DEK: variants seen among roughly 807,000 people sequenced by gnomAD.
DEK encodes protein DEK.
In DEK, 28 loss-of-function variants were observed where a neutral mutation model predicts 46.8. The ratio of observed to expected loss-of-function variants is 0.60; its 90% CI spans 0.44 to 0.82. DEK has a LOEUF of 0.82. Ranked by LOEUF, DEK falls within the 40% of genes least tolerant of loss-of-function variation. The probability of loss-of-function intolerance (pLI) is 0.00; values close to 1 mark genes in which losing one functional copy is unlikely to be tolerated. For missense variants in DEK, 416 were observed against 430.6 expected (o/e 0.97, Z 0.30); for synonymous variants, 160 against 144.5 (o/e 1.11, Z -0.77).
chr6:18,238,654 G>C (rs1467101862), intron 7 of DEK, among the ~76,000 whole-genome samples: 1 of 145,808 alleles, frequency 6.9e-6, no homozygotes, highest in Non-Finnish European at 1.5e-5. Context: ...TGGAGATCAT[G>C]ACACTGCACT....
intron 7 of DEK, among the ~76,000 whole-genome samples, chr6:18,248,817 A>G (rs214525): frequency 0.68 from 103,744 of 151,940 alleles, 36,038 homozygotes; most frequent in African/African-American, 0.81. Context: ...TCACAAGGGG[A>G]GCTTGGGAAT....
At chr6:18,259,394 CAAAAAAAAAAAAAAAAAAAAAA>C (rs56704006) in intron 2 of DEK, among the ~76,000 whole-genome samples, 10 of 41,480 alleles carry the variant, frequency 2.4e-4, no homozygotes, top group East Asian at 1.0e-3. Context: ...GACTCCGTCT[CAAAAAAAAAAAAAAAAAAAAAA>C]AAAAAAAAAA....
chr6:18,239,280 A>G (rs1469094507), intron 7 of DEK, among the ~76,000 whole-genome samples: 1 of 151,158 alleles, frequency 6.6e-6, no homozygotes, highest in Admixed American at 6.6e-5. Context: ...TTTAGATTAA[A>G]GTATACACAT....
intron 2 of DEK, among the ~76,000 whole-genome samples, chr6:18,258,843 A>G (rs548288853): frequency 1.3e-5 from 2 of 152,344 alleles, no homozygotes; most frequent in South Asian, 4.1e-4. Context: ...TATATAGAGA[A>G]CAATAACAAT....
At chr6:18,236,431 T>A in intron 9 of DEK, 21 bp downstream of exon 9, 1 of 1,603,812 alleles carries the variant, frequency 6.2e-7, no homozygotes, top group Non-Finnish European at 8.5e-7. Flanking sequence ...AGCAAAATAA[T>A]CTAAACATTT....
chr6:18,238,718 T>C (rs922902626), intron 7 of DEK, among the ~76,000 whole-genome samples: 1 of 151,000 alleles, frequency 6.6e-6, no homozygotes, highest in Non-Finnish European at 1.5e-5. Flanking sequence ...TCAGAGTTCA[T>C]ACTTTGTCTC....
At position 18,264,487 on chromosome 6, in the gene DEK, G is replaced by C. The variant is rs1401276329; in HGVS notation, c.-112C>G. ...GAGAAGGCGCGCGGGCCGCTGTCTG[G>C]CGTGACGCTCGCGCCGCGCGCTCGG... On this transcript the variant is annotated 5_prime_UTR_variant, in exon 1 of 11. Transcript: ENST00000652689. 1 of 265,130 alleles carries C rather than the reference G, an allele frequency of 3.8e-6. No homozygotes were observed. The highest frequency in any genetic ancestry group is 7.5e-6 in the Non-Finnish European group (1 of 133,142). The allele number at this position is 265,130 out of a possible 1,614,324, so 16.4% of individuals were successfully genotyped here.
At chr6:18,248,456 T>A (rs1366069819) in intron 7 of DEK, among the ~76,000 whole-genome samples, 1 of 152,152 alleles carries the variant, frequency 6.6e-6, no homozygotes, top group Non-Finnish European at 1.5e-5. Flanking sequence ...CAAACAAACA[T>A]GTTTTCCTCC....
At chr6:18,231,543 G>T (rs190390827) in intron 9 of DEK, among the ~76,000 whole-genome samples, 1 of 152,072 alleles carries the variant, frequency 6.6e-6, no homozygotes, top group African/African-American at 2.4e-5. Context: ...TATCACCACC[G>T]ATCCCACAGA....
At chr6:18,261,191 C>T (rs935229476) in intron 2 of DEK, among the ~76,000 whole-genome samples, 1 of 152,066 alleles carries the variant, frequency 6.6e-6, no homozygotes, top group African/African-American at 2.4e-5. Flanking sequence ...GACCCCTCAC[C>T]CCTTGCACCA....
intron 10 of DEK, 128 bp downstream of exon 10, chr6:18,226,046 T>A (rs1196637556): frequency 1.1e-6 from 1 of 902,960 alleles, no homozygotes; most frequent in African/African-American, 1.8e-5. Flanking sequence ...AATTTCCCTA[T>A]TATGAAGAAA....
At chr6:18,258,215 C>T in intron 3 of DEK, 89 bp downstream of exon 3, 2 of 1,206,836 alleles carry the variant, frequency 1.7e-6, no homozygotes, top group Non-Finnish European at 2.4e-6. Context: ...GTATAAAACA[C>T]TACCTTGCTG....
chr6:18,251,187 ATCTTTTATAT>A (rs1381873889), intron 6 of DEK, among the ~76,000 whole-genome samples: 1 of 152,236 alleles, frequency 6.6e-6, no homozygotes, highest in Admixed American at 6.5e-5. Flanking sequence ...GGGATTGAGC[ATCTTTTATAT>A]TCTTTTATTT....
intron 7 of DEK, 61 bp from the exon 8 acceptor site, chr6:18,237,577 C>T: frequency 6.6e-7 from 1 of 1,520,838 alleles, no homozygotes; most frequent in Non-Finnish European, 8.8e-7. Context: ...CCCATCCCAT[C>T]CCTCTACTTC....
At chr6:18,252,369 C>T (rs572877920) in intron 6 of DEK, among the ~76,000 whole-genome samples, 2 of 151,954 alleles carry the variant, frequency 1.3e-5, no homozygotes, top group East Asian at 3.9e-4. Flanking sequence ...TTTAGCCACA[C>T]ATGGTAGCAT....
At chr6:18,228,708 G>A (rs987668422) in intron 9 of DEK, among the ~76,000 whole-genome samples, 8 of 152,150 alleles carry the variant, frequency 5.3e-5, no homozygotes, top group Non-Finnish European at 7.3e-5. Context: ...CTTAGCAAAC[G>A]GGACACCAGG....
intron 7 of DEK, among the ~76,000 whole-genome samples, chr6:18,247,941 G>A (rs1210919355): frequency 6.6e-6 from 1 of 152,006 alleles, no homozygotes; most frequent in East Asian, 1.9e-4. Context: ...CAAAGTGCTG[G>A]GATTACAGGC....
At chr6:18,253,741 A>C (rs1402372180) in intron 6 of DEK, among the ~76,000 whole-genome samples, 1 of 152,134 alleles carries the variant, frequency 6.6e-6, no homozygotes, top group Non-Finnish European at 1.5e-5. Context: ...ATTTTGAGAG[A>C]GGATCTCATT....
rs555932367 is a variant in DEK, at chr6:18,253,553, C to T, written c.573+2178G>A. On this transcript the variant is annotated intron_variant, in intron 6 of 10. Coordinates refer to ENST00000652689, the MANE Select transcript of DEK (RefSeq NM_003472.4). ...GTTACAAAACTATACATACAAGACC[C>T]AAGTTAATTAACCTGGTTTCAGACC... 3.3e-5 allele frequency among the ~76,000 whole-genome samples: 5 copies of T among 152,252 alleles called. No individual in the cohort carries two copies. The South Asian group carries it at 1.0e-3, about 32-fold the overall frequency.
Sources: allele counts gnomAD v4.1 joint callset (sites outside exome capture counted in the v4.1 genomes callset), GRCh38; gene constraint gnomAD v4.1.1; transcripts MANE v1.5; gene names NCBI Gene and HGNC (gene_info 2026-07-23, HGNC 2026-07-21).